The following CHCHD6 variants were observed in gnomAD, a reference collection of about 807,000 sequenced individuals.
CHCHD6 encodes MICOS complex subunit MIC25.
In CHCHD6, 28 loss-of-function variants were observed where a neutral mutation model predicts 32.3. The observed-to-expected ratio is 0.87, with a 90% CI of 0.64 to 1.19. The LOEUF is 1.19. Among genes scored for constraint, CHCHD6 ranks in the 50% most tolerant of loss-of-function variants. The pLI, the probability that CHCHD6 is intolerant of heterozygous loss-of-function variation, is 0.00. For missense variants in CHCHD6, 333 were observed against 307.0 expected (o/e 1.08, Z -0.63); for synonymous variants, 122 against 117.5 (o/e 1.04, Z -0.25).
At chr3:126,757,489 T>C (rs1488765862) in intron 4 of CHCHD6, among the ~76,000 whole-genome samples, 2 of 152,254 alleles carry the variant, frequency 1.3e-5, no homozygotes, top group South Asian at 2.1e-4. Flanking sequence ...TTATGGTGTA[T>C]AGATCATTGG....
intron 4 of CHCHD6, among the ~76,000 whole-genome samples, chr3:126,758,770 G>A (rs559495254): frequency 6.6e-6 from 1 of 152,322 alleles, no homozygotes; most frequent in South Asian, 2.1e-4. Flanking sequence ...TCACTTGTAG[G>A]AGGGATGGGT....
intron 5 of CHCHD6, among the ~76,000 whole-genome samples, chr3:126,913,993 T>G (rs2078133060): frequency 6.6e-6 from 1 of 152,204 alleles, no homozygotes; most frequent in South Asian, 2.1e-4. Flanking sequence ...TAGGTGCACA[T>G]GTACCGGGTG....
intron 4 of CHCHD6, among the ~76,000 whole-genome samples, chr3:126,787,572 A>G (rs918404751): frequency 5.3e-5 from 8 of 151,968 alleles, no homozygotes; most frequent in African/African-American, 1.7e-4. Flanking sequence ...TAGGTATTTT[A>G]TTCTCTTTGA....
intron 5 of CHCHD6, among the ~76,000 whole-genome samples, chr3:126,896,114 A>C (rs1210166163): frequency 6.6e-6 from 1 of 151,936 alleles, no homozygotes; most frequent in African/African-American, 2.4e-5. Flanking sequence ...TTTTACATGA[A>C]GCTTTGAGGA....
At chr3:126,780,856 T>A (rs149967497) in intron 4 of CHCHD6, among the ~76,000 whole-genome samples, 3 of 152,344 alleles carry the variant, frequency 2.0e-5, no homozygotes, top group Non-Finnish European at 2.9e-5. Context: ...AGACGAATGC[T>A]GATATAGTGT....
At chr3:126,813,955 A>T (rs1284128865) in intron 4 of CHCHD6, among the ~76,000 whole-genome samples, 2 of 152,204 alleles carry the variant, frequency 1.3e-5, no homozygotes, top group Non-Finnish European at 2.9e-5. Flanking sequence ...TTTGAGGAAG[A>T]GCTCAGATCC....
intron 4 of CHCHD6, among the ~76,000 whole-genome samples, chr3:126,745,036 A>C (rs946629503): frequency 3.3e-5 from 5 of 152,078 alleles, no homozygotes; most frequent in Non-Finnish European, 7.4e-5. Flanking sequence ...GTTCTAGTGA[A>C]GTTTTATTAT....
At chr3:126,952,910 C>A in intron 6 of CHCHD6, 1 of 951,972 alleles carries the variant, frequency 1.1e-6, no homozygotes, top group Non-Finnish European at 1.3e-6. Flanking sequence ...GGCCTGCTTG[C>A]CAGGGACCAG....
intron 4 of CHCHD6, among the ~76,000 whole-genome samples, chr3:126,808,055 T>C (rs1314782417): frequency 1.1e-4 from 17 of 152,236 alleles, no homozygotes; most frequent in Admixed American, 1.0e-3. Context: ...GCATAGCTGA[T>C]TCACTTGCCT....
chr3:126,712,192 A>C (rs1223869657), intron 1 of CHCHD6, among the ~76,000 whole-genome samples: 1 of 152,210 alleles, frequency 6.6e-6, no homozygotes, highest in Non-Finnish European at 1.5e-5. Context: ...TGTGAGAATG[A>C]CAGCAGGGGA....
chr3:126,873,466 T>C (rs1301681236), intron 5 of CHCHD6, among the ~76,000 whole-genome samples: 1 of 152,212 alleles, frequency 6.6e-6, no homozygotes, highest in Non-Finnish European at 1.5e-5. Context: ...AGGTCAGAAA[T>C]ACTCCAAGTG....
At chr3:126,758,194 T>A (rs746851205) in intron 4 of CHCHD6, among the ~76,000 whole-genome samples, 1 of 152,236 alleles carries the variant, frequency 6.6e-6, no homozygotes, top group Non-Finnish European at 1.5e-5. Context: ...AAGATGCTTC[T>A]GGTGTATTGA....
At chr3:126,867,718 A>G (rs985443780) in intron 5 of CHCHD6, among the ~76,000 whole-genome samples, 1 of 151,760 alleles carries the variant, frequency 6.6e-6, no homozygotes, top group Admixed American at 6.5e-5. Flanking sequence ...CTGGCTATAA[A>G]CAGATGCTTG....
At chr3:126,787,261 T>A (rs1182460442) in intron 4 of CHCHD6, among the ~76,000 whole-genome samples, 2 of 151,412 alleles carry the variant, frequency 1.3e-5, no homozygotes, top group East Asian at 3.9e-4. Context: ...GGTAGCATGA[T>A]GCCTCCAGCT....
At chr3:126,829,867 G>A (rs1380529092) in intron 4 of CHCHD6, among the ~76,000 whole-genome samples, 1 of 152,140 alleles carries the variant, frequency 6.6e-6, no homozygotes, top group Non-Finnish European at 1.5e-5. Context: ...GGAGGCCAAG[G>A]CAGGTGGATC....
intron 4 of CHCHD6, among the ~76,000 whole-genome samples, chr3:126,803,392 A>C (rs1939185597): frequency 6.6e-6 from 1 of 152,088 alleles, no homozygotes; most frequent in Admixed American, 6.5e-5. Context: ...AATGGAAAAC[A>C]AAAAAAGGCA....
At chr3:126,732,045 C>T (rs1935826746) in intron 3 of CHCHD6, among the ~76,000 whole-genome samples, 1 of 146,050 alleles carries the variant, frequency 6.8e-6, no homozygotes, top group Non-Finnish European at 1.5e-5. Flanking sequence ...CACCACTGCA[C>T]TCCAGCCTGG....
rs149530137 is a variant in CHCHD6, at chr3:126,829,324, G to T, written c.412-23323G>T. The stretch of plus-strand genomic sequence containing the variant: ...TCTGTTTGATCTCTAGCCTCCCAAT[G>T]TGGCACCAAATGAAGCCAGCTCTTA... On this transcript the variant is annotated intron_variant, in intron 4 of 7. Transcript: ENST00000290913. Among the ~76,000 whole-genome samples the T allele has an allele frequency of 5.9e-5, 9 of 152,066 alleles. No individual in the cohort carries two copies. In the East Asian group the frequency reaches 1.8e-3, roughly 30 times the overall value.
At chr3:126,752,300 C>A (rs1936757715) in intron 4 of CHCHD6, among the ~76,000 whole-genome samples, 1 of 152,210 alleles carries the variant, frequency 6.6e-6, no homozygotes, top group Non-Finnish European at 1.5e-5. Flanking sequence ...GAGAACCCCA[C>A]TGTGCCTTGT....
Sources: gnomAD v4.1 joint callset for allele counts (sites outside exome capture counted in the v4.1 genomes callset) on GRCh38, gnomAD v4.1.1 for gene constraint, MANE v1.5 for transcripts, NCBI Gene and HGNC (gene_info 2026-07-23, HGNC 2026-07-21) for gene names.